Variants in EXOC4 observed in about 807,000 individuals in gnomAD.
The protein encoded by EXOC4 is exocyst complex component 4, also known as SEC8-like 1.
Under a neutral mutation model 107.2 loss-of-function variants are expected in EXOC4, and 71 were observed. That is an observed-to-expected ratio of 0.66 (90% confidence interval 0.55 to 0.81). The LOEUF (loss-of-function observed/expected upper bound fraction) is 0.81. Among genes scored for constraint, EXOC4 ranks in the 30% least tolerant of loss-of-function variants. The pLI, the probability that EXOC4 is intolerant of heterozygous loss-of-function variation, is 0.00. For synonymous variants in EXOC4, 456 were observed against 441.2 expected, an observed-to-expected ratio of 1.03 and a Z score of -0.42; for missense variants, 1,108 against 1,189.6, an observed-to-expected ratio of 0.93 and a Z score of 1.01.
At chr7:133,367,360 G>A (rs991174925) in intron 6 of EXOC4, among the ~76,000 whole-genome samples, 4 of 152,148 alleles carry the variant, frequency 2.6e-5, no homozygotes, top group Admixed American at 6.5e-5. Flanking sequence ...GGAGCCAGTG[G>A]AAGACAGTGT....
chr7:133,598,979 A>G (rs974701901), intron 9 of EXOC4, among the ~76,000 whole-genome samples: 6 of 152,192 alleles, frequency 3.9e-5, no homozygotes, highest in Middle Eastern at 3.4e-3. Flanking sequence ...GTGAGACTCC[A>G]TCTCCAATAA....
intron 10 of EXOC4, among the ~76,000 whole-genome samples, chr7:133,660,439 C>T (rs569525677): frequency 3.3e-5 from 5 of 152,188 alleles, no homozygotes; most frequent in South Asian, 4.1e-4. Context: ...AGAATGGTGG[C>T]GAAGGTGCCT....
chr7:133,739,905 G>A (rs1795529735), intron 10 of EXOC4, among the ~76,000 whole-genome samples: 1 of 152,144 alleles, frequency 6.6e-6, no homozygotes, highest in African/African-American at 2.4e-5. Context: ...CATAACCAGT[G>A]TATTTCCTTG....
intron 17 of EXOC4, among the ~76,000 whole-genome samples, chr7:134,043,196 A>T (rs1269770811): frequency 1.3e-5 from 2 of 152,142 alleles, no homozygotes; most frequent in Non-Finnish European, 2.9e-5. Flanking sequence ...GCATGATCGT[A>T]ATCACTAGTT....
chr7:133,535,051 A>G (rs965193894), intron 9 of EXOC4, among the ~76,000 whole-genome samples: 4 of 152,188 alleles, frequency 2.6e-5, no homozygotes, highest in African/African-American at 9.6e-5. Flanking sequence ...TGTGCTCACA[A>G]TATCTGTGTG....
At chr7:133,270,066 T>C (rs1793831380) in intron 1 of EXOC4, among the ~76,000 whole-genome samples, 1 of 152,162 alleles carries the variant, frequency 6.6e-6, no homozygotes, top group East Asian at 1.9e-4. Flanking sequence ...GGGTCTCTCC[T>C]GCGCTGCACT....
At chr7:133,423,549 TA>T (rs1717918519) in intron 7 of EXOC4, among the ~76,000 whole-genome samples, 1 of 152,222 alleles carries the variant, frequency 6.6e-6, no homozygotes. Flanking sequence ...TCATTGAAAG[TA>T]AGAACCATGT....
chr7:133,979,843 G>A (rs1347085661), intron 14 of EXOC4, among the ~76,000 whole-genome samples: 2 of 152,038 alleles, frequency 1.3e-5, no homozygotes, highest in East Asian at 3.9e-4. Context: ...TAGCTTGGCA[G>A]ACATCCTTTC....
At position 133,680,032 on chromosome 7, in the gene EXOC4, A is replaced by T. The variant is rs566465170; in HGVS notation, c.1514+49891A>T. Among the ~76,000 whole-genome samples the T allele has an allele frequency of 1.1e-4, 16 of 152,262 alleles. No individual in the cohort carries two copies. The East Asian group carries it at 2.3e-3, about 22-fold the overall frequency. ...TAATTTATATGTTTTCTCCCTTCCA[A>T]GGAATGAATTTTATTCTTCATCATA... is the stretch of plus-strand genomic sequence containing the variant. On this transcript the variant is annotated intron_variant, in intron 10 of 17. Coordinates refer to ENST00000253861, the MANE Select transcript of EXOC4 (RefSeq NM_021807.4).
chr7:133,314,330 G>A (rs1215216200), intron 4 of EXOC4, among the ~76,000 whole-genome samples: 1 of 152,142 alleles, frequency 6.6e-6, no homozygotes, highest in East Asian at 1.9e-4. Context: ...AACAGCAGGA[G>A]AAAAACTAAA....
chr7:134,048,473 G>T (rs957663014), intron 17 of EXOC4, among the ~76,000 whole-genome samples: 1 of 152,214 alleles, frequency 6.6e-6, no homozygotes, highest in African/African-American at 2.4e-5. Context: ...GATGGAGTCT[G>T]TTAGGTCAGG....
intron 10 of EXOC4, among the ~76,000 whole-genome samples, chr7:133,682,809 A>G (rs1794215684): frequency 6.6e-6 from 1 of 152,244 alleles, no homozygotes; most frequent in Non-Finnish European, 1.5e-5. Flanking sequence ...GCTCTCAGTC[A>G]AAATGACTCA....
At chr7:133,920,177 T>C (rs917380262) in intron 13 of EXOC4, among the ~76,000 whole-genome samples, 2 of 152,226 alleles carry the variant, frequency 1.3e-5, no homozygotes, top group Non-Finnish European at 2.9e-5. Flanking sequence ...GCTGTCTCTA[T>C]ATCTTTGGTG....
intron 17 of EXOC4, among the ~76,000 whole-genome samples, chr7:134,015,177 T>C (rs1794873228): frequency 6.6e-6 from 1 of 152,178 alleles, no homozygotes; most frequent in African/African-American, 2.4e-5. Flanking sequence ...TAAGGCCTTC[T>C]CTCCTGCACT....
chr7:133,943,148 A>G (rs910126842), intron 14 of EXOC4, among the ~76,000 whole-genome samples: 1 of 152,202 alleles, frequency 6.6e-6, no homozygotes, highest in Non-Finnish European at 1.5e-5. Context: ...TCGTCATCAC[A>G]GAAAGTTCTG....
At chr7:133,261,819 G>A (rs1258401290) in intron 1 of EXOC4, among the ~76,000 whole-genome samples, 1 of 152,094 alleles carries the variant, frequency 6.6e-6, no homozygotes, top group Non-Finnish European at 1.5e-5. Flanking sequence ...TCTGGCCTGG[G>A]GGATAGGCAC....
intron 17 of EXOC4, among the ~76,000 whole-genome samples, chr7:134,056,143 A>ATTGT (rs1170765570): frequency 1.3e-5 from 2 of 152,202 alleles, no homozygotes; most frequent in Non-Finnish European, 2.9e-5. Flanking sequence ...TAAAGTATAT[A>ATTGT]ATACAATGTC....
chr7:133,630,782 C>T lies in EXOC4; in HGVS notation c.1514+641C>T, dbSNP rs1460118390. Among the ~76,000 whole-genome samples the T allele has an allele frequency of 2.6e-5, 4 of 152,096 alleles. No homozygotes were observed. In the South Asian group the frequency reaches 8.3e-4, roughly 32 times the overall value. ...TATGTTTTTATATATTGAATGATAA[C>T]ATGATATGACTAGAGTGAAATCTAT... is the stretch of plus-strand genomic sequence containing the variant. On this transcript the variant is annotated intron_variant, in intron 10 of 17. Coordinates refer to ENST00000253861, the MANE Select transcript of EXOC4 (RefSeq NM_021807.4).
chr7:133,840,403 A>G (rs559761997), intron 11 of EXOC4, among the ~76,000 whole-genome samples: 2 of 152,222 alleles, frequency 1.3e-5, no homozygotes, highest in African/African-American at 4.8e-5. Context: ...ATCTATTACA[A>G]AGGTTACCTC....
Sources: allele counts gnomAD v4.1 joint callset (sites outside exome capture counted in the v4.1 genomes callset), GRCh38; gene constraint gnomAD v4.1.1; transcripts MANE v1.5; gene names NCBI Gene and HGNC (gene_info 2026-07-23, HGNC 2026-07-21).